Variants in ANKRD30A observed in about 807,000 individuals in gnomAD.
ANKRD30A encodes ankyrin repeat domain-containing protein 30A.
A neutral mutation model predicts 166.3 loss-of-function variants in ANKRD30A; 170 were observed. The observed-to-expected ratio is 1.02, with a 90% CI of 0.90 to 1.16. The LOEUF (loss-of-function observed/expected upper bound fraction) is 1.16. Ranked by LOEUF, ANKRD30A falls within the 50% of genes most tolerant of loss-of-function variation. The probability of loss-of-function intolerance (pLI) is 0.00; values close to 1 mark genes in which losing one functional copy is unlikely to be tolerated. For synonymous variants in ANKRD30A, 564 were observed against 508.9 expected, an observed-to-expected ratio of 1.11 and a Z score of -1.46; for missense variants, 1,630 against 1,518.0, an observed-to-expected ratio of 1.07 and a Z score of -1.23.
chr10:37,265,423 G>A, the ANKRD30A span, among the ~76,000 whole-genome samples: 1 of 152,178 alleles, frequency 6.6e-6, no homozygotes, highest in East Asian at 1.9e-4. Context: ...GCTGGGCCCT[G>A]TATTTAGGGA....
intron 34 of ANKRD30A, among the ~76,000 whole-genome samples, chr10:37,224,313 A>G (rs945209799): frequency 6.6e-6 from 1 of 151,032 alleles, no homozygotes; most frequent in Non-Finnish European, 1.5e-5. Flanking sequence ...AACATCATCA[A>G]AAATTATCTT....
chr10:37,218,927 A>G (rs1842736473), intron 33 of ANKRD30A, 53 bp from the exon 34 acceptor site: 1 of 1,182,886 alleles, frequency 8.5e-7, no homozygotes, highest in Non-Finnish European at 1.2e-6. Context: ...CAGAGGAACC[A>G]TGATATGCCA....
chr10:37,152,868 A>G (rs17606059), intron 12 of ANKRD30A, among the ~76,000 whole-genome samples: 6 of 152,092 alleles, frequency 3.9e-5, no homozygotes, highest in African/African-American at 1.2e-4. Context: ...TAACAGCAAA[A>G]GGTGGAAGTC....
intron 24 of ANKRD30A, among the ~76,000 whole-genome samples, chr10:37,177,980 C>G (rs1175491183): frequency 4.0e-5 from 6 of 149,996 alleles, no homozygotes; most frequent in African/African-American, 1.2e-4. Context: ...TCAAGATATT[C>G]CAAGACGTGA....
At chr10:37,250,890 C>T in the ANKRD30A span, among the ~76,000 whole-genome samples, 3 of 152,282 alleles carry the variant, frequency 2.0e-5, no homozygotes, top group Middle Eastern at 3.4e-3. Context: ...AGACACTTTC[C>T]TCTCACTTTC....
chr10:37,232,272 C>T (rs1168643233), intron 35 of ANKRD30A, among the ~76,000 whole-genome samples: 2 of 151,530 alleles, frequency 1.3e-5, no homozygotes, highest in East Asian at 3.9e-4. Flanking sequence ...TCTTTAATTG[C>T]CACTATACCT....
Position 37,162,712 on chromosome 10 carries a change from A to C in ANKRD30A, c.1929+35A>C, listed in dbSNP as rs771448363. On this transcript the variant is annotated intron_variant, in intron 16 of 35. Coordinates refer to ENST00000361713, the MANE Select transcript of ANKRD30A (RefSeq NM_052997.3). ...TTTATGATTTCATTTTGAATGACTT[A>C]TTATCTATGTATTTTGTGAAGTATA... The C allele has an allele frequency of 1.4e-5, 22 of 1,612,914 alleles. No homozygotes were observed. The South Asian group carries it at 2.4e-4, about 18-fold the overall frequency.
At chr10:37,212,497 T>C (rs564442766) in intron 31 of ANKRD30A, among the ~76,000 whole-genome samples, 2 of 152,194 alleles carry the variant, frequency 1.3e-5, no homozygotes, top group African/African-American at 4.8e-5. Flanking sequence ...AATGACCTTC[T>C]TCACAGAATT....
At chr10:37,193,113 A>C in intron 26 of ANKRD30A, 21 bp downstream of exon 26, 2 of 1,604,964 alleles carry the variant, frequency 1.2e-6, no homozygotes, top group Non-Finnish European at 1.7e-6. Context: ...TTATATTTTT[A>C]TCTTGAGTAT....
intron 15 of ANKRD30A, among the ~76,000 whole-genome samples, chr10:37,158,964 A>G (rs886974298): frequency 6.6e-6 from 1 of 152,174 alleles, no homozygotes; most frequent in African/African-American, 2.4e-5. Flanking sequence ...TGCTGACATG[A>G]CAGTTGTGAG....
At chr10:37,224,459 T>TAC (rs199996652) in intron 34 of ANKRD30A, among the ~76,000 whole-genome samples, 37 of 149,848 alleles carry the variant, frequency 2.5e-4, no homozygotes, top group African/African-American at 4.6e-4. Context: ...TTGTTTTTGA[T>TAC]ACACACACAC....
intron 3 of ANKRD30A, among the ~76,000 whole-genome samples, chr10:37,130,638 A>C (rs1367084495): frequency 2.6e-5 from 4 of 152,154 alleles, no homozygotes; most frequent in Non-Finnish European, 4.4e-5. Flanking sequence ...TTCCCATCCA[A>C]GTTTTTTTTT....
At chr10:37,232,186 A>G (rs540873374) in intron 35 of ANKRD30A, among the ~76,000 whole-genome samples, 1 of 152,038 alleles carries the variant, frequency 6.6e-6, no homozygotes, top group Non-Finnish European at 1.5e-5. Context: ...GTAAATAAAC[A>G]TGGAACACTT....
At chr10:37,227,759 A>G (rs1030186406) in intron 34 of ANKRD30A, among the ~76,000 whole-genome samples, 4 of 151,846 alleles carry the variant, frequency 2.6e-5, no homozygotes, top group Non-Finnish European at 4.4e-5. Context: ...CTTGAGTCCC[A>G]TTTCTATCAA....
chr10:37,164,960 T>A, intron 17 of ANKRD30A, 134 bp from the exon 18 acceptor site: 2 of 888,180 alleles, frequency 2.3e-6, no homozygotes, highest in South Asian at 3.0e-5. Context: ...GTAGTCATTG[T>A]AATCAACAAA....
chr10:37,201,554 G>A (rs540876615), intron 31 of ANKRD30A, among the ~76,000 whole-genome samples: 8 of 152,048 alleles, frequency 5.3e-5, no homozygotes, highest in African/African-American at 1.9e-4. Flanking sequence ...GATATTCCAA[G>A]ACCTGAGGAC....
chr10:37,202,760 A>T (rs1482125399), intron 31 of ANKRD30A, among the ~76,000 whole-genome samples: 1 of 152,164 alleles, frequency 6.6e-6, no homozygotes, highest in East Asian at 1.9e-4. Flanking sequence ...TAAAGAAGAA[A>T]AGTGAGAAGA....
At chr10:37,148,523 CAA>C (rs773911423) in intron 9 of ANKRD30A, among the ~76,000 whole-genome samples, 43 of 151,768 alleles carry the variant, frequency 2.8e-4, no homozygotes, top group Non-Finnish European at 4.7e-4. Context: ...ACGGGACAAA[CAA>C]GAGAGAAGGT....
the ANKRD30A span, among the ~76,000 whole-genome samples, chr10:37,249,271 T>C: frequency 6.6e-6 from 1 of 152,340 alleles, no homozygotes; most frequent in Admixed American, 6.5e-5. Context: ...TATCTAAAGA[T>C]ACTTAAGTGA....
Sources: gnomAD v4.1 joint callset for allele counts (sites outside exome capture counted in the v4.1 genomes callset) on GRCh38, gnomAD v4.1.1 for gene constraint, MANE v1.5 for transcripts, NCBI Gene and HGNC (gene_info 2026-07-23, HGNC 2026-07-21) for gene names.